Variants in PCDHGB5 observed in about 807,000 individuals in gnomAD.
PCDHGB5 encodes the protein protocadherin gamma subfamily B, 5.
PCDHGB5 carries 48 observed loss-of-function variants against 62.9 expected under a neutral mutation model. The observed-to-expected ratio is 0.76, with a 90% CI of 0.61 to 0.97. PCDHGB5 has a LOEUF of 0.97. Ranked by LOEUF, PCDHGB5 falls within the 50% of genes least tolerant of loss-of-function variation. PCDHGB5 has a pLI of 0.00. For synonymous variants in PCDHGB5, 474 were observed against 511.2 expected, an observed-to-expected ratio of 0.93 and a Z score of 0.98; for missense variants, 1,118 against 1,198.6, an observed-to-expected ratio of 0.93 and a Z score of 0.99.
At chr5:141,495,149 G>A (rs1448841303) in intron 2 of PCDHGB5, among the ~76,000 whole-genome samples, 1 of 152,170 alleles carries the variant, frequency 6.6e-6, no homozygotes, top group Non-Finnish European at 1.5e-5. Context: ...CCAAAGGATG[G>A]TCTTAAGCTG....
intron 1 of PCDHGB5, among the ~76,000 whole-genome samples, chr5:141,472,147 G>T (rs2099272889): frequency 6.6e-6 from 1 of 152,112 alleles, no homozygotes; most frequent in South Asian, 2.1e-4. Flanking sequence ...AAAGTTTCAT[G>T]GTTACATAGC....
chr5:141,488,441 C>T (rs1320712074), intron 1 of PCDHGB5, among the ~76,000 whole-genome samples: 1 of 152,206 alleles, frequency 6.6e-6, no homozygotes, highest in Non-Finnish European at 1.5e-5. Flanking sequence ...TGACCACCCT[C>T]CTGGGTGACC....
chr5:141,435,807 T>A (rs2097781241), intron 1 of PCDHGB5, among the ~76,000 whole-genome samples: 1 of 152,040 alleles, frequency 6.6e-6, no homozygotes, highest in South Asian at 2.1e-4. Context: ...CCCAATTATT[T>A]TTTCTTTCTT....
At chr5:141,506,432 C>A (rs2099853359) in intron 3 of PCDHGB5, among the ~76,000 whole-genome samples, 1 of 132,482 alleles carries the variant, frequency 7.5e-6, no homozygotes, top group Non-Finnish European at 1.6e-5. Context: ...GGGCAACAGT[C>A]TCGCTCTGTC....
At position 141,432,459 on chromosome 5, in the gene PCDHGB5, T is replaced by A. The variant is rs1230209932; in HGVS notation, c.2397+31935T>A. The A allele has an allele frequency of 1.2e-6, 2 of 1,613,984 alleles. No homozygotes were observed. Among genetic ancestry groups the A allele is most frequent in the South Asian group, 1.1e-5 (1 of 91,082 alleles). ...GCGCCCGAGATCCTGTACCCCGCCCTCCCCACGGACGGTTCCACTGGCGTG... is the reference window on the plus strand; with the variant it reads ...GCGCCCGAGATCCTGTACCCCGCCCACCCCACGGACGGTTCCACTGGCGTG... On this transcript the variant is annotated intron_variant, in intron 1 of 3. Transcript: ENST00000617380. The surrounding 1 kb of genome is among the most constrained non-coding windows in gnomAD (Gnocchi z 6.0).
At chr5:141,415,885 C>G in intron 1 of PCDHGB5, 2 of 979,016 alleles carry the variant, frequency 2.0e-6, no homozygotes, top group Non-Finnish European at 2.7e-6. Flanking sequence ...ACAATATTGA[C>G]AATTCCTAAG....
At chr5:141,452,193 G>A (rs764434048) in intron 1 of PCDHGB5, among the ~76,000 whole-genome samples, 3 of 151,990 alleles carry the variant, frequency 2.0e-5, no homozygotes, top group Admixed American at 6.6e-5. Context: ...ACCTCAAATT[G>A]TTTTAGATGT....
intron 1 of PCDHGB5, among the ~76,000 whole-genome samples, chr5:141,443,131 A>G (rs1042010214): frequency 7.2e-5 from 11 of 152,144 alleles, no homozygotes; most frequent in Non-Finnish European, 1.6e-4. Context: ...GATTAAGAAC[A>G]CTATCATAAG....
intron 1 of PCDHGB5, chr5:141,417,577 C>A: frequency 2.3e-6 from 1 of 439,676 alleles, no homozygotes; most frequent in Non-Finnish European, 4.0e-6. Flanking sequence ...AAGTTGCAGT[C>A]CCACACAGAG....
chr5:141,439,186 C>T (rs2098094521), intron 1 of PCDHGB5, among the ~76,000 whole-genome samples: 1 of 141,808 alleles, frequency 7.1e-6, no homozygotes, highest in Admixed American at 7.0e-5. Flanking sequence ...TAGTGAGACT[C>T]TGACAAAAAA....
intron 1 of PCDHGB5, chr5:141,423,387 G>A (rs373190092): frequency 6.2e-7 from 1 of 1,614,162 alleles, no homozygotes; most frequent in Non-Finnish European, 8.5e-7. Context: ...TGTGGCGCTG[G>A]CATAAGTCAC....
At chr5:141,450,046 G>A (rs1390669307) in intron 1 of PCDHGB5, among the ~76,000 whole-genome samples, 4 of 121,108 alleles carry the variant, frequency 3.3e-5, no homozygotes, top group Admixed American at 1.1e-4. Context: ...TCACTCTTTC[G>A]CCCAGGCTGG....
At chr5:141,413,179 G>C in intron 1 of PCDHGB5, 1 of 1,602,658 alleles carries the variant, frequency 6.2e-7, no homozygotes. Context: ...GACTACAATG[G>C]CCGCTCAAAG....
Position 141,489,317 on chromosome 5 carries a change from G to T in PCDHGB5, c.2398-5490G>T. ...ATGTTGTCCTTGTGCTGCTGGGGCT[G>T]GGTGTCTGGGCAGCTTCGTTACTCA... is the stretch of plus-strand genomic sequence containing the variant. On this transcript the variant is annotated intron_variant, in intron 1 of 3. Coordinates refer to ENST00000617380, the MANE Select transcript of PCDHGB5 (RefSeq NM_018925.3). The surrounding 1 kb of genome is among the most constrained non-coding windows in gnomAD (Gnocchi z 4.5). 6.3e-7 allele frequency: 1 copy of T among 1,598,654 alleles called. No homozygotes were observed. The highest frequency in any genetic ancestry group is 8.5e-7 in the Non-Finnish European group (1 of 1,171,456).
At chr5:141,404,234 G>C (rs2094500908) in intron 1 of PCDHGB5, 1 of 1,613,652 alleles carries the variant, frequency 6.2e-7, no homozygotes, top group South Asian at 1.1e-5. Flanking sequence ...AACAGACAGA[G>C]GAACTCCGCC....
At chr5:141,446,493 T>C (rs1416449558) in intron 1 of PCDHGB5, among the ~76,000 whole-genome samples, 2 of 152,152 alleles carry the variant, frequency 1.3e-5, no homozygotes. Flanking sequence ...TTTTTTTTTT[T>C]TGAGATGGAG....
At chr5:141,407,930 C>T (rs2095001418) in intron 1 of PCDHGB5, 2 of 498,880 alleles carry the variant, frequency 4.0e-6, no homozygotes, top group Non-Finnish European at 6.9e-6. Flanking sequence ...CGCACGGAGC[C>T]TCTGGGCGCC....
In PCDHGB5 at chr5:141,486,043, A is replaced by G. The variant is rs1193580610; in HGVS notation, c.2398-8764A>G. 6.2e-7 allele frequency: 1 copy of G among 1,614,050 alleles called. No homozygotes were observed. Among genetic ancestry groups the G allele is most frequent in the African/African-American group, 1.3e-5 (1 of 74,918 alleles). ...GTGGTCATACCCCTGATCGTGTAAG[A>G]AACCTCTTTAGCCTGCACCCCACTA... On this transcript the variant is annotated intron_variant, in intron 1 of 3. Transcript: ENST00000617380. This position sits in a 1 kb window ranked among gnomAD's most constrained non-coding sequence, Gnocchi z 5.0.
intron 1 of PCDHGB5, chr5:141,426,438 G>A (rs567163831): frequency 4.7e-5 from 14 of 300,110 alleles, no homozygotes; most frequent in Admixed American, 1.7e-4. Context: ...GGAACCTTGC[G>A]GAGGACATGC....
Sources: allele counts gnomAD v4.1 joint callset (sites outside exome capture counted in the v4.1 genomes callset), GRCh38; gene constraint gnomAD v4.1.1; non-coding constraint Gnocchi (gnomAD v3.1); transcripts MANE v1.5; gene names NCBI Gene and HGNC (gene_info 2026-07-23, HGNC 2026-07-21).